Variants in XPO6 observed in about 807,000 individuals in gnomAD.
XPO6 encodes exportin-6.
In XPO6, 3 loss-of-function variants were observed where a neutral mutation model predicts 130.0. The ratio of observed to expected loss-of-function variants is 0.02; its 90% CI spans 0.01 to 0.06. The LOEUF (loss-of-function observed/expected upper bound fraction) is 0.06. Among genes scored for constraint, XPO6 ranks in the 10% least tolerant of loss-of-function variants. The probability of loss-of-function intolerance (pLI) is 1.00; values close to 1 mark genes in which losing one functional copy is unlikely to be tolerated. For missense variants in XPO6, 970 were observed against 1,393.0 expected, an observed-to-expected ratio of 0.70 and a Z score of 4.83; for synonymous variants, 524 against 548.9, an observed-to-expected ratio of 0.95 and a Z score of 0.63.
intron 1 of XPO6, among the ~76,000 whole-genome samples, chr16:28,192,423 T>A (rs1389333440): frequency 1.3e-5 from 2 of 152,142 alleles, no homozygotes; most frequent in Non-Finnish European, 2.9e-5. Context: ...AAGTCTACCA[T>A]CCTCTTTGTC....
intron 1 of XPO6, among the ~76,000 whole-genome samples, chr16:28,191,991 G>C (rs2043793921): frequency 6.6e-6 from 1 of 152,196 alleles, no homozygotes; most frequent in South Asian, 2.1e-4. Context: ...TGGGCGCGGT[G>C]GCTCACGCCT....
In XPO6 at chr16:28,166,379, A is replaced by C. The variant is rs1447230169; in HGVS notation, c.643+129T>G. The C allele has an allele frequency of 4.3e-6, 4 of 937,330 alleles. No individual in the cohort carries two copies. The African/African-American group carries it at 6.7e-5, about 16-fold the overall frequency. The allele number at this position is 937,330 out of a possible 1,614,324, so 58.1% of individuals were successfully genotyped here. On this transcript the variant is annotated intron_variant, in intron 6 of 23. Transcript: ENST00000304658. ...TCACTATGTTGCCCAGGCTGGTCTCAAACTCTTGGCCTCTAGTGATCCTCC... is the reference window on the plus strand; with the variant it reads ...TCACTATGTTGCCCAGGCTGGTCTCCAACTCTTGGCCTCTAGTGATCCTCC...
At chr16:28,171,237 G>A (rs1291662408) in intron 4 of XPO6, among the ~76,000 whole-genome samples, 2 of 151,902 alleles carry the variant, frequency 1.3e-5, no homozygotes, top group East Asian at 1.9e-4. Flanking sequence ...TTTATCACTT[G>A]AGGTCAGCAG....
Position 28,154,479 on chromosome 16 carries a change from A to T in XPO6, c.1097+1595T>A, listed in dbSNP as rs534459346. 1.0e-4 allele frequency: 20 copies of T among 198,252 alleles called. 1 individual carries two copies. In the South Asian group the frequency reaches 3.4e-3, roughly 33 times the overall value. 12.3% of individuals were successfully genotyped at this position (198,252 alleles called of 1,614,324 possible). On this transcript the variant is annotated intron_variant, in intron 7 of 23. Transcript: ENST00000304658. ...AAGGCAGTAGAGGGAAAGAGAAGCC[A>T]AGGATCTGGTTAGCAGCTCCTAAAC...
At chr16:28,203,167 C>T in intron 1 of XPO6, among the ~76,000 whole-genome samples, 1 of 151,580 alleles carries the variant, frequency 6.6e-6, no homozygotes, top group Non-Finnish European at 1.5e-5. Flanking sequence ...TCCAGCTACT[C>T]AGGAGGCTGA....
chr16:28,139,906 T>C (rs1237188733), intron 9 of XPO6, among the ~76,000 whole-genome samples: 2 of 152,168 alleles, frequency 1.3e-5, no homozygotes, highest in Non-Finnish European at 2.9e-5. Context: ...TTCACCCCCC[T>C]CTCAGTAACT....
At chr16:28,176,958 A>G (rs1023283114) in intron 3 of XPO6, among the ~76,000 whole-genome samples, 4 of 152,172 alleles carry the variant, frequency 2.6e-5, no homozygotes, top group Admixed American at 2.6e-4. Flanking sequence ...TTTATCAATG[A>G]TAACAGGCAG....
chr16:28,105,930 G>T, intron 20 of XPO6, 113 bp downstream of exon 20: 1 of 1,466,278 alleles, frequency 6.8e-7, no homozygotes, highest in Non-Finnish European at 9.2e-7. Context: ...TACTTTACAA[G>T]CATATTAAAC....
chr16:28,154,958 A>G (rs115172424), intron 7 of XPO6, among the ~76,000 whole-genome samples: 1,524 of 152,338 alleles, frequency 0.01, 31 homozygotes, highest in African/African-American at 0.035. Flanking sequence ...CTATCACCAA[A>G]TAATTTTTAA....
chr16:28,098,502 A>G lies in XPO6; in HGVS notation c.*36T>C. 2 of 1,564,460 alleles carry G rather than the reference A, an allele frequency of 1.3e-6. No individual in the cohort carries two copies. Among genetic ancestry groups the G allele is most frequent in the East Asian group, 2.3e-5 (1 of 43,820 alleles). On this transcript the variant is annotated 3_prime_UTR_variant, in exon 24 of 24. Coordinates refer to ENST00000304658, the MANE Select transcript of XPO6 (RefSeq NM_015171.4). ...GGAAGGTAGGGCTGGCGCAGGTGGC[A>G]GCAGCAGAAGTCCGTGTCCCCAGGC... is the stretch of plus-strand genomic sequence containing the variant.
chr16:28,110,478 A>T (rs205366), intron 17 of XPO6, among the ~76,000 whole-genome samples: 87,456 of 152,160 alleles, frequency 0.57, 27,501 homozygotes, highest in South Asian at 0.72. Context: ...TGCTGACCCA[A>T]GCTGGACATA....
chr16:28,114,969 C>A (rs1215604356), intron 15 of XPO6, among the ~76,000 whole-genome samples: 10 of 152,210 alleles, frequency 6.6e-5, no homozygotes, highest in Non-Finnish European at 1.0e-4. Flanking sequence ...AAGCAAGTCC[C>A]CATCTGTTCA....
intron 4 of XPO6, among the ~76,000 whole-genome samples, chr16:28,173,863 C>T (rs1001418508): frequency 2.6e-5 from 4 of 152,192 alleles, no homozygotes; most frequent in Admixed American, 1.3e-4. Context: ...AGCCAGGAAA[C>T]GTTCTGTTCT....
intron 17 of XPO6, 138 bp from the exon 18 acceptor site, chr16:28,107,815 T>C: frequency 1.1e-6 from 1 of 942,860 alleles, no homozygotes; most frequent in East Asian, 2.5e-5. Flanking sequence ...AACAGTCTCT[T>C]GATTACAATA....
chr16:28,167,175 A>G (rs1274972737), intron 5 of XPO6: 17 of 985,242 alleles, frequency 1.7e-5, no homozygotes, highest in Non-Finnish European at 1.9e-5. Flanking sequence ...CACCTTGACT[A>G]TATACACCAA....
Position 28,132,199 on chromosome 16 carries a change from C to T in XPO6, c.1606+135G>A, listed in dbSNP as rs2042684735. On this transcript the variant is annotated intron_variant, in intron 12 of 23. Coordinates refer to ENST00000304658, the MANE Select transcript of XPO6 (RefSeq NM_015171.4). This position sits in a 1 kb window ranked among gnomAD's most constrained non-coding sequence, Gnocchi z 4.0. ...AAGCCTTTAAAAACGTTCCCTGTTT[C>T]GAAGTGGGGAGAGATGCCAGTGGGG... 3 of 697,262 alleles carry T rather than the reference C, an allele frequency of 4.3e-6. No individual in the cohort carries two copies. Among genetic ancestry groups the T allele is most frequent in the South Asian group, 1.7e-5 (1 of 58,296 alleles). The allele number at this position is 697,262 out of a possible 1,614,324, so 43.2% of individuals were successfully genotyped here. A position where few individuals can be genotyped will look rare whatever the true frequency, so the allele number is the denominator to read the frequency against.
chr16:28,211,242 G>C, intron 1 of XPO6, 124 bp downstream of exon 1: 1 of 1,037,732 alleles, frequency 9.6e-7, no homozygotes, highest in East Asian at 3.2e-5. Flanking sequence ...TGTGTCACCG[G>C]CCAGGCTCCG....
chr16:28,121,573 T>C (rs1208105160), intron 14 of XPO6, 97 bp downstream of exon 14: 2 of 914,218 alleles, frequency 2.2e-6, no homozygotes, highest in Middle Eastern at 2.2e-4. Context: ...CCCTGATTCA[T>C]GGCAGCCACT....
chr16:28,147,496 C>T (rs1311505694), intron 8 of XPO6, among the ~76,000 whole-genome samples: 1 of 152,156 alleles, frequency 6.6e-6, no homozygotes, highest in Admixed American at 6.5e-5. Flanking sequence ...TCCAACTTCA[C>T]GACCCAAAGG....
Sources: gnomAD v4.1 joint callset for allele counts (sites outside exome capture counted in the v4.1 genomes callset) on GRCh38, gnomAD v4.1.1 for gene constraint, Gnocchi (gnomAD v3.1) non-coding constraint, MANE v1.5 for transcripts, NCBI Gene and HGNC (gene_info 2026-07-23, HGNC 2026-07-21) for gene names.